The following NUMB variants were observed in gnomAD, a reference collection of about 807,000 sequenced individuals.
NUMB encodes the protein NUMB endocytic adaptor protein.
Under a neutral mutation model 59.7 loss-of-function variants are expected in NUMB, and 29 were observed. The observed-to-expected ratio is 0.49, with a 90% CI of 0.36 to 0.66. NUMB has a LOEUF of 0.66. Ranked by LOEUF, NUMB falls within the 30% of genes least tolerant of loss-of-function variation. The pLI, the probability that NUMB is intolerant of heterozygous loss-of-function variation, is 0.00. For missense variants in NUMB, 723 were observed against 822.0 expected, an observed-to-expected ratio of 0.88 and a Z score of 1.47; for synonymous variants, 288 against 288.2, an observed-to-expected ratio of 1.00 and a Z score of 0.01.
At chr14:73,308,480 G>A (rs1408116128) in intron 6 of NUMB, among the ~76,000 whole-genome samples, 4 of 152,130 alleles carry the variant, frequency 2.6e-5, no homozygotes, top group Non-Finnish European at 5.9e-5. Flanking sequence ...CAGGCCATTT[G>A]GTGCTCTTCA....
intron 2 of NUMB, among the ~76,000 whole-genome samples, chr14:73,396,311 A>G (rs1896128890): frequency 7.2e-6 from 1 of 139,078 alleles, no homozygotes; most frequent in South Asian, 2.3e-4. Flanking sequence ...TATTTACTTT[A>G]ATTATTAGGG....
At chr14:73,433,469 T>C (rs939102739) in intron 1 of NUMB, among the ~76,000 whole-genome samples, 3 of 152,084 alleles carry the variant, frequency 2.0e-5, no homozygotes, top group Non-Finnish European at 4.4e-5. Flanking sequence ...GCCCAATTAT[T>C]AGGTCCAACA....
chr14:73,356,873 T>C (rs1893815214), intron 3 of NUMB: 1 of 170,770 alleles, frequency 5.9e-6, no homozygotes, highest in Admixed American at 6.5e-5. Flanking sequence ...TTCTTTTTTC[T>C]TTTAAGTAGA....
chr14:73,294,596 C>T (rs927069838), intron 7 of NUMB, among the ~76,000 whole-genome samples: 2 of 151,534 alleles, frequency 1.3e-5, no homozygotes, highest in African/African-American at 4.8e-5. Flanking sequence ...CAGCTTACTG[C>T]AACCTCTGCC....
chr14:73,440,226 TATGG>T (rs1258488238), intron 1 of NUMB, among the ~76,000 whole-genome samples: 2 of 142,288 alleles, frequency 1.4e-5, no homozygotes, highest in African/African-American at 2.7e-5. Context: ...CATATATATA[TATGG>T]ATATCCATAT....
intron 1 of NUMB, among the ~76,000 whole-genome samples, chr14:73,419,230 G>C (rs774730172): frequency 6.6e-6 from 1 of 152,178 alleles, no homozygotes; most frequent in Non-Finnish European, 1.5e-5. Flanking sequence ...TCTCAAGAGG[G>C]CTGGGCGCGG....
chr14:73,276,437 TCTGGGC>T lies in NUMB; in HGVS notation c.*135_*140del. 1.5e-6 allele frequency: 1 copy of T among 652,768 alleles called. No homozygotes were observed. 40.4% of individuals were successfully genotyped at this position (652,768 alleles called of 1,614,324 possible). On this transcript the variant is annotated 3_prime_UTR_variant, in exon 13 of 13. Coordinates refer to ENST00000555238, the MANE Select transcript of NUMB (RefSeq NM_001005743.2). ...CTTTCAAAATCACCCCTCACAGTAC[TCTGGGC>T]CTGGACTTGTTCCTTGGGACCTTTG...
chr14:73,353,201 T>C (rs1385002282), intron 4 of NUMB, among the ~76,000 whole-genome samples: 2 of 148,020 alleles, frequency 1.4e-5, no homozygotes, highest in Non-Finnish European at 3.0e-5. Flanking sequence ...TCTCCTGCCT[T>C]AGCTTCCTGA....
intron 6 of NUMB, among the ~76,000 whole-genome samples, chr14:73,301,238 A>G (rs1250757857): frequency 2.0e-5 from 3 of 152,224 alleles, no homozygotes; most frequent in South Asian, 2.1e-4. Context: ...CAATCCTAAG[A>G]TATTTAAATT....
intron 11 of NUMB, among the ~76,000 whole-genome samples, chr14:73,279,685 GGA>G (rs747201104): frequency 2.0e-5 from 3 of 152,124 alleles, no homozygotes; most frequent in Non-Finnish European, 4.4e-5. Context: ...TGGGGAGTGG[GGA>G]AATGAAACCT....
In NUMB at chr14:73,401,264, A is replaced by G. The variant is rs147124048; in HGVS notation, c.-101+8673T>C. Among the ~76,000 whole-genome samples, 473 of 152,266 alleles carry G rather than the reference A, an allele frequency of 3.1e-3. 3 individuals are homozygous for G. Among genetic ancestry groups the G allele is most frequent in the African/African-American group, 0.011 (447 of 41,554 alleles). On this transcript the variant is annotated intron_variant, in intron 2 of 12. Coordinates refer to ENST00000555238, the MANE Select transcript of NUMB (RefSeq NM_001005743.2). ...ATTTTTCTTATATCTCCTGTGTACT[A>G]TTCTGGTAAGGAATGTTGACAGTAA...
intron 8 of NUMB, among the ~76,000 whole-genome samples, chr14:73,292,450 A>C (rs1269549784): frequency 6.6e-6 from 1 of 152,194 alleles, no homozygotes; most frequent in Non-Finnish European, 1.5e-5. Flanking sequence ...TACTTCCAAT[A>C]ATTAAAAGTT....
intron 9 of NUMB, chr14:73,285,636 T>C (rs1888939478): frequency 6.6e-6 from 1 of 151,964 alleles, no homozygotes; most frequent in South Asian, 2.1e-4. Context: ...CCAAAAGGGC[T>C]GGTTTAAGGT....
chr14:73,382,871 C>G (rs1895317784), intron 2 of NUMB, among the ~76,000 whole-genome samples: 2 of 152,258 alleles, frequency 1.3e-5, no homozygotes, highest in South Asian at 4.1e-4. Context: ...AGGAGCTGGG[C>G]ACAGTGGCTC....
intron 4 of NUMB, among the ~76,000 whole-genome samples, chr14:73,351,883 G>C (rs1433720789): frequency 6.6e-6 from 1 of 151,710 alleles, no homozygotes; most frequent in African/African-American, 2.4e-5. Context: ...GGCTGAGGCA[G>C]GAGAATGGCT....
chr14:73,453,807 CTG>C (rs1438977907), intron 1 of NUMB, among the ~76,000 whole-genome samples: 1 of 151,894 alleles, frequency 6.6e-6, no homozygotes, highest in Non-Finnish European at 1.5e-5. Flanking sequence ...TGGGGTTTCA[CTG>C]TGTTAGCCAG....
intron 2 of NUMB, among the ~76,000 whole-genome samples, chr14:73,370,548 C>A (rs1042138231): frequency 2.0e-5 from 3 of 152,020 alleles, no homozygotes; most frequent in Non-Finnish European, 2.9e-5. Flanking sequence ...AAAAATTAGC[C>A]GGGCGTGATG....
rs942146645 is a variant in NUMB at position 73,276,381 on chromosome 14, A to G, written c.*197T>C. The G allele has an allele frequency of 1.1e-5, 6 of 545,826 alleles. No individual in the cohort carries two copies. The highest frequency in any genetic ancestry group is 9.4e-5 in the African/African-American group (5 of 53,114). The allele number at this position is 545,826 out of a possible 1,614,324, so 33.8% of individuals were successfully genotyped here. A position where few individuals can be genotyped will look rare whatever the true frequency, so the allele number is the denominator to read the frequency against. ...GACTTCTTTAGCCTAATTGCAAGGC[A>G]GCTTTTCTCTAGGAATGCTTTTTCC... On this transcript the variant is annotated 3_prime_UTR_variant, in exon 13 of 13. Coordinates refer to ENST00000555238, the MANE Select transcript of NUMB (RefSeq NM_001005743.2).
chr14:73,426,050 T>C (rs1330504397), intron 1 of NUMB, among the ~76,000 whole-genome samples: 2 of 152,042 alleles, frequency 1.3e-5, no homozygotes, highest in Admixed American at 6.6e-5. Flanking sequence ...TCTCAGGTGA[T>C]CCACCCACCT....
Sources: allele counts gnomAD v4.1 joint callset (sites outside exome capture counted in the v4.1 genomes callset), GRCh38; gene constraint gnomAD v4.1.1; transcripts MANE v1.5; gene names NCBI Gene and HGNC (gene_info 2026-07-23, HGNC 2026-07-21).